KCNK3: variants seen among roughly 807,000 people sequenced by gnomAD.
The protein encoded by KCNK3 is potassium two pore domain channel subfamily K member 3.
KCNK3 carries 9 observed loss-of-function variants against 27.3 expected under a neutral mutation model. That is an observed-to-expected ratio of 0.33 (90% CI 0.20 to 0.57). The LOEUF is 0.57. Ranked by LOEUF, KCNK3 falls within the 20% of genes least tolerant of loss-of-function variation. The pLI is 0.87. For synonymous variants in KCNK3, 278 were observed against 273.8 expected, an observed-to-expected ratio of 1.02 and a Z score of -0.15; for missense variants, 391 against 577.7, an observed-to-expected ratio of 0.68 and a Z score of 3.31.
chr2:26,698,749 C>A (rs1228736510), intron 1 of KCNK3, among the ~76,000 whole-genome samples: 3 of 152,174 alleles, frequency 2.0e-5, no homozygotes, highest in African/African-American at 7.2e-5. Flanking sequence ...CGCTCCTCAG[C>A]CATGCCTGGT....
At position 26,731,679 on chromosome 2, in the gene KCNK3, A is replaced by C. The variant is rs778068170; in HGVS notation, c.*3111A>C. 6.6e-6 allele frequency: 1 copy of C among 152,260 alleles called. No individual in the cohort carries two copies. Among genetic ancestry groups the C allele is most frequent in the Non-Finnish European group, 1.5e-5 (1 of 68,042 alleles). 9.4% of individuals were successfully genotyped at this position (152,260 alleles called of 1,614,324 possible). A position where few individuals can be genotyped will look rare whatever the true frequency, so the allele number is the denominator to read the frequency against. On this transcript the variant is annotated 3_prime_UTR_variant, in exon 2 of 2. Transcript: ENST00000302909. ...TGGCTTCCCTTTTGGGATTTCCCAGAAGATCCAGATTTTCTTAAGTCCCCT... is the reference window on the plus strand; with the variant it reads ...TGGCTTCCCTTTTGGGATTTCCCAGCAGATCCAGATTTTCTTAAGTCCCCT...
chr2:26,706,431 GC>G (rs564250293), intron 1 of KCNK3, among the ~76,000 whole-genome samples: 336 of 152,182 alleles, frequency 2.2e-3, no homozygotes, highest in African/African-American at 7.7e-3. Flanking sequence ...CCCAGGGGAG[GC>G]CCCCTCCACT....
intron 1 of KCNK3, among the ~76,000 whole-genome samples, chr2:26,720,180 A>G (rs906286191): frequency 2.0e-5 from 3 of 152,180 alleles, no homozygotes; most frequent in African/African-American, 7.2e-5. Context: ...ACTTGAACCC[A>G]GGAGGTGGAG....
At chr2:26,698,177 C>T (rs1289536602) in intron 1 of KCNK3, among the ~76,000 whole-genome samples, 24 of 152,264 alleles carry the variant, frequency 1.6e-4, no homozygotes, top group Non-Finnish European at 1.5e-4. Context: ...TGTTCGAGGC[C>T]TCTTTCGACT....
intron 1 of KCNK3, among the ~76,000 whole-genome samples, chr2:26,707,209 G>T (rs1200940289): frequency 2.0e-5 from 3 of 152,184 alleles, no homozygotes; most frequent in Non-Finnish European, 4.4e-5. Context: ...CCCTGGGGCT[G>T]CTGGAATGCA....
At chr2:26,697,992 A>C (rs1240047743) in intron 1 of KCNK3, among the ~76,000 whole-genome samples, 1 of 152,160 alleles carries the variant, frequency 6.6e-6, no homozygotes, top group African/African-American at 2.4e-5. Context: ...CAATCTTCCA[A>C]ACACCCAGAG....
chr2:26,715,694 G>A (rs1432079645), intron 1 of KCNK3, among the ~76,000 whole-genome samples: 1 of 152,354 alleles, frequency 6.6e-6, no homozygotes, highest in East Asian at 1.9e-4. Context: ...CCGGGAGGGT[G>A]TAGGGGCCGG....
Position 26,728,939 on chromosome 2 carries a change from T to G in KCNK3, c.*371T>G. 1 of 205,418 alleles carries G rather than the reference T, an allele frequency of 4.9e-6. No individual in the cohort carries two copies. The highest frequency in any genetic ancestry group is 9.7e-6 in the Non-Finnish European group (1 of 103,270). 12.7% of individuals were successfully genotyped at this position (205,418 alleles called of 1,614,324 possible). On this transcript the variant is annotated 3_prime_UTR_variant, in exon 2 of 2. Transcript: ENST00000302909. ...AGGGGACTTCATGTTCCGTGTACGT[T>G]TGCATCTCTATTTATACCTCTGTCC...
chr2:26,712,243 T>C (rs1403190501), intron 1 of KCNK3, among the ~76,000 whole-genome samples: 1 of 152,066 alleles, frequency 6.6e-6, no homozygotes, highest in African/African-American at 2.4e-5. Flanking sequence ...CCTGTCTCCG[T>C]GTAAAGGGCA....
At position 26,697,752 on chromosome 2, in the gene KCNK3, T is replaced by C. The variant is rs1047917299; in HGVS notation, c.283+4594T>C. On this transcript the variant is annotated intron_variant, in intron 1 of 1. Coordinates refer to ENST00000302909, the MANE Select transcript of KCNK3 (RefSeq NM_002246.3). ...CAGGTGATTGATTCGCTGATGGGGC[T>C]GGGGCAGAAAACCTTCTGTTCCGCT... Among the ~76,000 whole-genome samples, 5 of 152,082 alleles carry C rather than the reference T, an allele frequency of 3.3e-5. No individual in the cohort carries two copies. In the South Asian group the frequency reaches 1.0e-3, roughly 32 times the overall value.
rs567121142 is a variant in KCNK3 at position 26,726,901 on chromosome 2, C to A, written c.284-766C>A. 2.6e-5 allele frequency among the ~76,000 whole-genome samples: 4 copies of A among 152,312 alleles called. No homozygotes were observed. The East Asian group carries it at 7.7e-4, about 29-fold the overall frequency. On this transcript the variant is annotated intron_variant, in intron 1 of 1. Coordinates refer to ENST00000302909, the MANE Select transcript of KCNK3 (RefSeq NM_002246.3). ...CACCTCCCCATGAGGACAGATCCTA[C>A]ATCAGGTCAAGTACAGAGGAAGACC...
chr2:26,714,583 A>G (rs887008714), intron 1 of KCNK3, among the ~76,000 whole-genome samples: 1 of 63,650 alleles, frequency 1.6e-5, no homozygotes, highest in Non-Finnish European at 3.3e-5. Context: ...TTTCCAGAAC[A>G]ACCTTAAGAG....
At position 26,692,872 on chromosome 2, in the gene KCNK3, G is replaced by A. The variant is rs1326073949; in HGVS notation, c.-4G>A. On this transcript the variant is annotated 5_prime_UTR_variant, in exon 1 of 2. Transcript: ENST00000302909. This position sits in a 1 kb window ranked among gnomAD's most constrained non-coding sequence, Gnocchi z 5.6. ...GGGGGGCCGGCGGCGGCCCGGGCGG[G>A]ACGATGAAGCGGCAGAACGTGCGCA... is the stretch of plus-strand genomic sequence containing the variant. 4 of 1,317,412 alleles carry A rather than the reference G, an allele frequency of 3.0e-6. No homozygotes were observed. The highest frequency in any genetic ancestry group is 2.1e-5 in the South Asian group (1 of 46,858). 81.6% of individuals were successfully genotyped at this position (1,317,412 alleles called of 1,614,324 possible). A position where few individuals can be genotyped will look rare whatever the true frequency, so the allele number is the denominator to read the frequency against.
At chr2:26,725,216 C>A (rs1006519637) in intron 1 of KCNK3, among the ~76,000 whole-genome samples, 5 of 152,168 alleles carry the variant, frequency 3.3e-5, no homozygotes, top group African/African-American at 1.2e-4. Context: ...GCTCTCAGGT[C>A]ACCCTTCCCC....
chr2:26,696,384 CT>C (rs1670235616), intron 1 of KCNK3, among the ~76,000 whole-genome samples: 1 of 152,202 alleles, frequency 6.6e-6, no homozygotes, highest in South Asian at 2.1e-4. Context: ...TGCTCTTTCC[CT>C]GCTGGTCTTT....
In KCNK3 at chr2:26,693,181, G is replaced by A. The variant is rs776348787; in HGVS notation, c.283+23G>A. 6 of 1,205,980 alleles carry A rather than the reference G, an allele frequency of 5.0e-6. No homozygotes were observed. In the South Asian group the frequency reaches 8.0e-5, roughly 16 times the overall value. 74.7% of individuals were successfully genotyped at this position (1,205,980 alleles called of 1,614,324 possible). A position where few individuals can be genotyped will look rare whatever the true frequency, so the allele number is the denominator to read the frequency against. The stretch of plus-strand genomic sequence containing the variant: ...TCGGTAACGGCTCGCCGGGCGGGGG[G>A]CGGGAACCCAGGGCTGGGCGCGGGG... On this transcript the variant is annotated intron_variant, in intron 1 of 1. Transcript: ENST00000302909. The surrounding 1 kb of genome is among the most constrained non-coding windows in gnomAD (Gnocchi z 5.5).
At chr2:26,697,104 C>T (rs1670243653) in intron 1 of KCNK3, among the ~76,000 whole-genome samples, 1 of 152,112 alleles carries the variant, frequency 6.6e-6, no homozygotes. Context: ...GATGACTCCC[C>T]CATGGCCTCA....
intron 1 of KCNK3, among the ~76,000 whole-genome samples, chr2:26,725,574 T>G (rs2148036877): frequency 6.6e-6 from 1 of 152,274 alleles, no homozygotes; most frequent in East Asian, 1.9e-4. Flanking sequence ...GCTCAGGGCC[T>G]GCCCAGTTGT....
intron 1 of KCNK3, among the ~76,000 whole-genome samples, chr2:26,698,957 G>A (rs1670269012): frequency 6.6e-6 from 1 of 152,038 alleles, no homozygotes; most frequent in Non-Finnish European, 1.5e-5. Flanking sequence ...TGGGCAGATC[G>A]CGTGAGGTCA....
Sources: allele counts gnomAD v4.1 joint callset (sites outside exome capture counted in the v4.1 genomes callset), GRCh38; gene constraint gnomAD v4.1.1; non-coding constraint Gnocchi (gnomAD v3.1); transcripts MANE v1.5; gene names NCBI Gene and HGNC (gene_info 2026-07-23, HGNC 2026-07-21).